The following MAU2 variants were observed in gnomAD, a reference collection of about 807,000 sequenced individuals.
MAU2 encodes the protein MAU2 chromatid cohesion factor homolog.
Under a neutral mutation model 89.1 loss-of-function variants are expected in MAU2, and 9 were observed. The ratio of observed to expected loss-of-function variants is 0.10; its 90% CI spans 0.06 to 0.18. The LOEUF (loss-of-function observed/expected upper bound fraction) is 0.18, where lower values mean the gene tolerates loss of function less well. MAU2 is among the 10% of genes least tolerant of loss of function. The pLI is 1.00. For missense variants in MAU2, 425 were observed against 803.5 expected, an observed-to-expected ratio of 0.53 and a Z score of 5.69; for synonymous variants, 357 against 343.4, an observed-to-expected ratio of 1.04 and a Z score of -0.44.
chr19:19,349,713 A>G (rs1296335660), intron 16 of MAU2, among the ~76,000 whole-genome samples: 3 of 152,166 alleles, frequency 2.0e-5, no homozygotes, highest in Non-Finnish European at 4.4e-5. Flanking sequence ...TGAAGCCAGA[A>G]CCAAAGGAGC....
intron 7 of MAU2, among the ~76,000 whole-genome samples, chr19:19,342,191 C>A (rs977831151): frequency 3.3e-5 from 5 of 152,174 alleles, no homozygotes; most frequent in Non-Finnish European, 7.4e-5. Context: ...CCTCCCACCC[C>A]CTCAGAGCAC....
At chr19:19,339,125 G>A (rs940210368) in intron 5 of MAU2, among the ~76,000 whole-genome samples, 186 bp downstream of exon 5, 2 of 152,102 alleles carry the variant, frequency 1.3e-5, no homozygotes, top group African/African-American at 4.8e-5. Context: ...CCAGCCTGGG[G>A]AACATAGTGA....
In MAU2 at chr19:19,355,372, C is replaced by A. The variant is rs1419760008; in HGVS notation, c.1748C>A (p.Pro583His). ...LQDHIEACSL[P>H]EHNLITWTDG... ...GACCACATTGAGGCCTGCAGCCTCC[C>A]CGAACACAACCTCATCACGGTACGG... The change falls in exon 18 of 19, where the codon CCC (proline) becomes CAC (histidine). Residue 583 changes from proline (P) to histidine (H), a missense_variant. Around this residue, in one of 11 missense-constraint regions of MAU2, gnomAD observed 42 missense variants for 42.4 expected, o/e 0.99. Transcript: ENST00000262815. The A allele has an allele frequency of 1.2e-6, 2 of 1,613,886 alleles. No homozygotes were observed. Among genetic ancestry groups the A allele is most frequent in the Non-Finnish European group, 1.7e-6 (2 of 1,179,970 alleles).
chr19:19,335,081 C>T (rs2061585839), intron 1 of MAU2, among the ~76,000 whole-genome samples: 1 of 152,188 alleles, frequency 6.6e-6, no homozygotes, highest in Non-Finnish European at 1.5e-5. Context: ...CTTTAGGGCA[C>T]AGTGGTCCCT....
At chr19:19,329,863 G>C (rs988686478) in intron 1 of MAU2, among the ~76,000 whole-genome samples, 1 of 152,056 alleles carries the variant, frequency 6.6e-6, no homozygotes, top group Non-Finnish European at 1.5e-5. Context: ...GGCTGAAGTA[G>C]GAGGAGTGCT....
intron 1 of MAU2, among the ~76,000 whole-genome samples, chr19:19,334,897 G>A (rs547367662): frequency 6.6e-6 from 1 of 152,108 alleles, no homozygotes; most frequent in South Asian, 2.1e-4. Context: ...GCTGTGCTCC[G>A]GATCCACCTT....
At chr19:19,332,654 C>T (rs2061565239) in intron 1 of MAU2, among the ~76,000 whole-genome samples, 1 of 152,104 alleles carries the variant, frequency 6.6e-6, no homozygotes, top group Non-Finnish European at 1.5e-5. Context: ...CTTCCCAGCT[C>T]ACCAGTGCTC....
chr19:19,340,741 T>TC (rs1256920011), intron 5 of MAU2, 105 bp from the exon 6 acceptor site: 6 of 1,110,660 alleles, frequency 5.4e-6, no homozygotes. Flanking sequence ...CACTGAACTG[T>TC]CCCCTGAGGT....
intron 4 of MAU2, among the ~76,000 whole-genome samples, chr19:19,337,634 A>G (rs2061608084): frequency 6.6e-6 from 1 of 152,024 alleles, no homozygotes; most frequent in Non-Finnish European, 1.5e-5. Flanking sequence ...TCCCAGGAAC[A>G]TTTCCTGCCA....
Position 19,355,237 on chromosome 19 carries a change from G to A in MAU2, c.1640-27G>A, listed in dbSNP as rs1390466625. ...CCTGGGCAGTGACAGGGCAAGGCGG[G>A]CCCCCATGCTCATGTCCCACTCTCA... On this transcript the variant is annotated intron_variant, in intron 17 of 18. Transcript: ENST00000262815. 4 of 1,613,018 alleles carry A rather than the reference G, an allele frequency of 2.5e-6. No individual in the cohort carries two copies. In the African/African-American group the frequency reaches 5.3e-5, roughly 22 times the overall value.
rs1301701810 is a variant in MAU2, at chr19:19,335,079, C to A, written c.277-639C>A. On this transcript the variant is annotated intron_variant, in intron 1 of 18. Coordinates refer to ENST00000262815, the MANE Select transcript of MAU2 (RefSeq NM_015329.4). ...ACTGTTGGAACATGGAACTTTAGGG[C>A]ACAGTGGTCCCTGAGTTGGAGCCTG... Among the ~76,000 whole-genome samples the A allele has an allele frequency of 6.6e-5, 10 of 152,310 alleles. No homozygotes were observed. In the East Asian group the frequency reaches 1.9e-3, roughly 29 times the overall value.
chr19:19,350,453 A>C (rs546826857), intron 16 of MAU2, among the ~76,000 whole-genome samples: 2 of 151,158 alleles, frequency 1.3e-5, no homozygotes, highest in Non-Finnish European at 2.9e-5. Context: ...AAAATACAAA[A>C]ATTAGCCAGG....
At chr19:19,340,209 T>C (rs1485542259) in intron 5 of MAU2, among the ~76,000 whole-genome samples, 2 of 148,720 alleles carry the variant, frequency 1.3e-5, no homozygotes, top group Non-Finnish European at 3.0e-5. Flanking sequence ...GCCAGGTGCC[T>C]GTAGTCCCAG....
rs1291730544 is a variant in MAU2, at chr19:19,355,762, A to T, written c.1822A>T (p.Ser608Cys). The T allele has an allele frequency of 6.2e-7, 1 of 1,608,542 alleles. No individual in the cohort carries two copies. Among genetic ancestry groups the T allele is most frequent in the Non-Finnish European group, 8.5e-7 (1 of 1,179,950 alleles). ...CCAAGCTCAGAATGGACCCAACACC[A>T]GCCTGGCCAGCCTCCTGTGAGGCCT... ...QFQAQNGPNT[S>C]LASLL The change falls in exon 19 of 19, where the codon AGC becomes TGC. Residue 608 changes from serine (S) to cysteine (C), a missense_variant. Physicochemically the swap from Ser to Cys is moderately radical, Grantham distance 112. This residue lies in a region of MAU2 where 42 missense variants were observed against 42.4 expected (regional missense o/e 0.99). Transcript: ENST00000262815.
intron 1 of MAU2, chr19:19,321,375 C>T (rs2146642201): frequency 2.1e-6 from 1 of 475,654 alleles, no homozygotes; most frequent in Non-Finnish European, 3.7e-6. Flanking sequence ...GCTCCAGGAG[C>T]CCCGTCACCG....
intron 1 of MAU2, among the ~76,000 whole-genome samples, chr19:19,325,892 T>C (rs1245072382): frequency 6.6e-6 from 1 of 152,194 alleles, no homozygotes; most frequent in African/African-American, 2.4e-5. Context: ...TTCACTGTCT[T>C]TTGCTTTCTC....
intron 16 of MAU2, chr19:19,353,424 C>G (rs1679321217): frequency 6.6e-6 from 1 of 152,232 alleles, no homozygotes; most frequent in Non-Finnish European, 1.5e-5. Context: ...CAAGACCCAC[C>G]TGGAGCTCAC....
At chr19:19,324,335 C>G (rs1043522939) in intron 1 of MAU2, among the ~76,000 whole-genome samples, 1 of 152,152 alleles carries the variant, frequency 6.6e-6, no homozygotes, top group Non-Finnish European at 1.5e-5. Context: ...CTGTCGGGGA[C>G]TGGCAGATGG....
rs1329659919 is a variant in MAU2, at chr19:19,356,402, T to G, written c.*620T>G. 8 of 282,544 alleles carry G rather than the reference T, an allele frequency of 2.8e-5. No individual in the cohort carries two copies. The highest frequency in any genetic ancestry group is 9.9e-5 in the South Asian group (3 of 30,294). 17.5% of individuals were successfully genotyped at this position (282,544 alleles called of 1,614,324 possible). On this transcript the variant is annotated 3_prime_UTR_variant, in exon 19 of 19. Coordinates refer to ENST00000262815, the MANE Select transcript of MAU2 (RefSeq NM_015329.4). ...CCCAGGAACTCAGCTTCCAAACATC[T>G]GCACCTTGACCGGACTCGCCATCCC...
Sources: allele counts gnomAD v4.1 joint callset (sites outside exome capture counted in the v4.1 genomes callset), GRCh38; gene constraint gnomAD v4.1.1; regional missense constraint gnomAD v4.1.1; transcripts MANE v1.5; gene names NCBI Gene and HGNC (gene_info 2026-07-23, HGNC 2026-07-21).